The following LTBP1 variants were observed in gnomAD, a reference collection of about 807,000 sequenced individuals.
The protein encoded by LTBP1 is latent-transforming growth factor beta-binding protein 1.
A neutral mutation model predicts 207.6 loss-of-function variants in LTBP1; 129 were observed. The observed-to-expected ratio is 0.62, with a 90% CI of 0.54 to 0.72. The LOEUF (loss-of-function observed/expected upper bound fraction) is 0.72, where lower values mean the gene tolerates loss of function less well. Ranked by LOEUF, LTBP1 falls within the 30% of genes least tolerant of loss-of-function variation. LTBP1 has a pLI of 0.00. For missense variants in LTBP1, 2,281 were observed against 2,217.2 expected (o/e 1.03, Z -0.58); for synonymous variants, 963 against 833.7 (o/e 1.16, Z -2.67).
At chr2:33,024,930 G>T (rs1308391081) in intron 3 of LTBP1, among the ~76,000 whole-genome samples, 1 of 152,226 alleles carries the variant, frequency 6.6e-6, no homozygotes, top group African/African-American at 2.4e-5. Flanking sequence ...CTCGACTGGG[G>T]CTGGGGAATC....
At chr2:33,133,787 AGT>A (rs2081964458) in intron 4 of LTBP1, among the ~76,000 whole-genome samples, 1 of 152,220 alleles carries the variant, frequency 6.6e-6, no homozygotes, top group East Asian at 1.9e-4. Flanking sequence ...GAAAGTTAGA[AGT>A]GTGTAGAAAA....
chr2:33,193,479 GT>G (rs2088155081), intron 7 of LTBP1, among the ~76,000 whole-genome samples: 1 of 152,162 alleles, frequency 6.6e-6, no homozygotes, highest in South Asian at 2.1e-4. Flanking sequence ...AATGCTGAAA[GT>G]TTTAGGGGTG....
chr2:33,042,120 C>T (rs1400192180), intron 3 of LTBP1, among the ~76,000 whole-genome samples: 1 of 152,146 alleles, frequency 6.6e-6, no homozygotes. Context: ...TTTTGAGTAT[C>T]TTTGCATATG....
intron 11 of LTBP1, among the ~76,000 whole-genome samples, chr2:33,255,016 C>T (rs1422971597): frequency 2.9e-5 from 4 of 136,718 alleles, no homozygotes; most frequent in Admixed American, 7.4e-5. Context: ...CATGCTGGTG[C>T]GCTGCACCCA....
At chr2:33,275,982 C>T (rs2093418861) in intron 18 of LTBP1, 59 bp downstream of exon 18, 2 of 1,501,448 alleles carry the variant, frequency 1.3e-6, no homozygotes, top group South Asian at 1.4e-5. Context: ...TGGTAGGCAC[C>T]TTGCCTGGTT....
intron 3 of LTBP1, among the ~76,000 whole-genome samples, chr2:33,029,402 G>A (rs576040363): frequency 2.0e-5 from 3 of 152,166 alleles, no homozygotes; most frequent in African/African-American, 4.8e-5. Flanking sequence ...TCTTGAACCC[G>A]AGAGGTGGAG....
chr2:33,123,037 A>ACTTTTCCTCACTCTCTTTATAG (rs1212383136), intron 4 of LTBP1, among the ~76,000 whole-genome samples: 4 of 152,154 alleles, frequency 2.6e-5, no homozygotes, highest in Admixed American at 6.5e-5. Flanking sequence ...CAGCTGCTCA[A>ACTTTTCCTCACTCTCTTTATAG]CTTTTCCTCA....
At chr2:33,158,293 C>T (rs1393232481) in intron 5 of LTBP1, among the ~76,000 whole-genome samples, 1 of 151,932 alleles carries the variant, frequency 6.6e-6, no homozygotes, top group Non-Finnish European at 1.5e-5. Context: ...GACTATCAAA[C>T]CCAAATATCC....
intron 5 of LTBP1, among the ~76,000 whole-genome samples, chr2:33,181,505 T>G (rs2086634587): frequency 6.6e-6 from 1 of 152,216 alleles, no homozygotes; most frequent in Non-Finnish European, 1.5e-5. Context: ...CTTTTACAGT[T>G]GTACCGTGAG....
intron 2 of LTBP1, among the ~76,000 whole-genome samples, chr2:32,997,817 A>G (rs1258609738): frequency 6.6e-6 from 1 of 152,186 alleles, no homozygotes; most frequent in African/African-American, 2.4e-5. Flanking sequence ...GAACACAAAC[A>G]TTTCGACCAT....
intron 31 of LTBP1, among the ~76,000 whole-genome samples, chr2:33,367,530 T>G (rs2095006584): frequency 6.6e-6 from 1 of 152,170 alleles, no homozygotes; most frequent in Admixed American, 6.5e-5. Flanking sequence ...GAGTCTCCAG[T>G]GTGTATTACT....
At chr2:32,976,373 A>C (rs931439530) in intron 2 of LTBP1, among the ~76,000 whole-genome samples, 1 of 152,114 alleles carries the variant, frequency 6.6e-6, no homozygotes, top group Admixed American at 6.5e-5. Flanking sequence ...GCAGTGGCGC[A>C]GTGGGGTGCA....
Position 33,275,840 on chromosome 2 carries a change from G to A in LTBP1, c.2909G>A (p.Gly970Glu), listed in dbSNP as rs2093415638. The stretch of plus-strand genomic sequence containing the variant: ...CTGAGGCCGGACGTCTGTGGGGAGG[G>A]GCACTGTGTCAATACTGTGGGGGCC... The part of the protein sequence containing the change: ...ECLRPDVCGE[G>E]HCVNTVGAFR... The change falls in exon 18 of 34, where the codon GGG (glycine) becomes GAG (glutamate). Residue 970 changes from glycine to glutamate, a missense_variant. Gly to Glu is a moderately conservative substitution (Grantham distance 98, BLOSUM62 -2). Transcript: ENST00000404816. The A allele has an allele frequency of 1.9e-6, 3 of 1,613,880 alleles. No homozygotes were observed. In the South Asian group the frequency reaches 3.3e-5, roughly 18 times the overall value.
chr2:32,974,808 A>G (rs1681455761), intron 2 of LTBP1, among the ~76,000 whole-genome samples: 2 of 152,164 alleles, frequency 1.3e-5, no homozygotes, highest in African/African-American at 2.4e-5. Context: ...GACGGTATAC[A>G]GTTGGTTCTT....
intron 3 of LTBP1, among the ~76,000 whole-genome samples, chr2:33,107,611 A>G (rs558081403): frequency 2.0e-4 from 30 of 152,328 alleles, no homozygotes; most frequent in African/African-American, 6.5e-4. Context: ...GGGCATTGGG[A>G]TAGTAGCTCT....
chr2:33,336,102 T>C (rs1417433804), intron 24 of LTBP1, among the ~76,000 whole-genome samples: 2 of 152,200 alleles, frequency 1.3e-5, no homozygotes, highest in Non-Finnish European at 2.9e-5. Context: ...TATGATGATA[T>C]TTCTTGTATT....
chr2:33,299,103 C>T (rs1435576049), intron 20 of LTBP1, among the ~76,000 whole-genome samples: 1 of 151,872 alleles, frequency 6.6e-6, no homozygotes, highest in Non-Finnish European at 1.5e-5. Flanking sequence ...GTGAAACTCC[C>T]TCTCTACTAA....
intron 4 of LTBP1, 38 bp downstream of exon 4, chr2:33,110,789 G>A: frequency 6.3e-7 from 1 of 1,590,232 alleles, no homozygotes; most frequent in Non-Finnish European, 8.6e-7. Flanking sequence ...CCAAGTTATG[G>A]TATCAGAGAT....
chr2:33,155,052 G>T (rs1039227325), intron 5 of LTBP1, among the ~76,000 whole-genome samples: 6 of 152,046 alleles, frequency 3.9e-5, no homozygotes, highest in African/African-American at 1.4e-4. Flanking sequence ...TACAGAGTGA[G>T]ACTCCATCTC....
Sources: gnomAD v4.1 joint callset for allele counts (sites outside exome capture counted in the v4.1 genomes callset) on GRCh38, gnomAD v4.1.1 for gene constraint, MANE v1.5 for transcripts, NCBI Gene and HGNC (gene_info 2026-07-23, HGNC 2026-07-21) for gene names.